Variants in MYH9 observed in about 807,000 individuals in gnomAD.
MYH9 encodes the protein myosin-9.
In MYH9, 29 loss-of-function variants were observed where a neutral mutation model predicts 241.9. That is an observed-to-expected ratio of 0.12 (90% CI 0.09 to 0.16). The LOEUF is 0.16. Ranked by LOEUF, MYH9 falls within the 10% of genes least tolerant of loss-of-function variation. The probability of loss-of-function intolerance (pLI) is 1.00; values close to 1 mark genes in which losing one functional copy is unlikely to be tolerated. For missense variants in MYH9, 1,803 were observed against 2,595.5 expected (o/e 0.69, Z 6.63); for synonymous variants, 1,047 against 1,062.6 (o/e 0.99, Z 0.29).
At position 36,306,622 on chromosome 22, in the gene MYH9, G is replaced by A. The variant is rs1413539906; in HGVS notation, c.1844-15C>T. ...GATGCGGTCCACTGTGGAGACCACAGAGAACACGTGAGTGCCCACACAGTT... is the reference window on the plus strand; with the variant it reads ...GATGCGGTCCACTGTGGAGACCACAAAGAACACGTGAGTGCCCACACAGTT... On this transcript the variant is annotated splice_polypyrimidine_tract_variant and intron_variant, in intron 15 of 40. Transcript: ENST00000216181. This position sits in a 1 kb window ranked among gnomAD's most constrained non-coding sequence, Gnocchi z 4.1. The A allele has an allele frequency of 6.2e-7, 1 of 1,608,390 alleles. No homozygotes were observed. The highest frequency in any genetic ancestry group is 1.1e-5 in the South Asian group (1 of 90,630).
At chr22:36,283,476 G>A (rs1474098854) in intron 40 of MYH9, among the ~76,000 whole-genome samples, 2 of 150,774 alleles carry the variant, frequency 1.3e-5, no homozygotes, top group African/African-American at 4.9e-5. Flanking sequence ...GGCAGAGGTT[G>A]CAGCAAGCCG....
intron 1 of MYH9, among the ~76,000 whole-genome samples, chr22:36,349,728 G>A (rs1448753640): frequency 6.6e-6 from 1 of 152,080 alleles, no homozygotes; most frequent in Non-Finnish European, 1.5e-5. Context: ...CAAGCTGATA[G>A]CAGGGATTTT....
rs533945157 is a variant in MYH9 at position 36,356,895 on chromosome 22, G to A, written c.-19-7640C>T. On this transcript the variant is annotated intron_variant, in intron 1 of 40. Coordinates refer to ENST00000216181, the MANE Select transcript of MYH9 (RefSeq NM_002473.6). ...CAACACCCAAACGCAGTAAGCACCC[G>A]CTAGACAGATCTGCCATGTGGATGA... 3.6e-4 allele frequency among the ~76,000 whole-genome samples: 55 copies of A among 152,350 alleles called. No individual in the cohort carries two copies. The South Asian group carries it at 9.9e-3, about 28-fold the overall frequency.
At position 36,289,221 on chromosome 22, in the gene MYH9, T is replaced by C. The variant is rs781672785; in HGVS notation, c.4421A>G (p.Lys1474Arg). The C allele has an allele frequency of 1.2e-6, 2 of 1,613,124 alleles. No homozygotes were observed. Among genetic ancestry groups the C allele is most frequent in the African/African-American group, 2.7e-5 (2 of 74,954 alleles). The change falls in exon 32 of 41, where the codon AAG (lysine) becomes AGG (arginine). Residue 1474 changes from lysine (K) to arginine (R), a missense_variant. By Grantham distance (26) the Lys-to-Arg change is conservative. This residue lies in a region of MYH9 where 876 missense variants were observed against 1,077.8 expected (regional missense o/e 0.81). Coordinates refer to ENST00000216181, the MANE Select transcript of MYH9 (RefSeq NM_002473.6). ...GGCCAGCGACAGAGCCTTGGTCTCC[T>C]TCTCTCGGGCCTCCGCCTCAGCCCG... is the stretch of plus-strand genomic sequence containing the variant. ...RDRAEAEAREKETKALSLARA... is the reference protein window; with the variant it reads ...RDRAEAEARERETKALSLARA...
chr22:36,377,429 T>A (rs1367221933), intron 1 of MYH9, among the ~76,000 whole-genome samples: 1 of 151,426 alleles, frequency 6.6e-6, no homozygotes, highest in Non-Finnish European at 1.5e-5. Flanking sequence ...AAAAAAAAAA[T>A]ACTTAAACCA....
chr22:36,295,744 A>ATAAG lies in MYH9; in HGVS notation c.3273-31_3273-28dup. 1.2e-6 allele frequency: 2 copies of ATAAG among 1,600,674 alleles called. No individual in the cohort carries two copies. Among genetic ancestry groups the ATAAG allele is most frequent in the African/African-American group, 2.7e-5 (2 of 74,866 alleles). On this transcript the variant is annotated intron_variant, in intron 25 of 40. Coordinates refer to ENST00000216181, the MANE Select transcript of MYH9 (RefSeq NM_002473.6). This position sits in a 1 kb window ranked among gnomAD's most constrained non-coding sequence, Gnocchi z 4.1. ...TGCCAAAGCGACCAGCAACATCAGT[A>ATAAG]TAAGGAGAGTTTCACCTCCAAGGAG...
intron 1 of MYH9, among the ~76,000 whole-genome samples, chr22:36,378,767 T>G (rs5756168): frequency 1.3e-5 from 2 of 151,868 alleles, no homozygotes; most frequent in East Asian, 3.9e-4. Flanking sequence ...GAATAGACTC[T>G]TAAGGAAAGA....
Position 36,304,129 on chromosome 22 carries a change from A to G in MYH9, c.2256T>C (p.Asn752=), listed in dbSNP as rs9619601. 85,233 of 1,613,526 alleles carry G rather than the reference A, an allele frequency of 0.053. 2,449 individuals are homozygous for G. Among genetic ancestry groups the G allele is most frequent in the East Asian group, 0.099 (4,426 of 44,868 alleles). The change falls in exon 19 of 41, where the codon AAT becomes AAC. Residue 752 remains asparagine (N), a synonymous_variant. Coordinates refer to ENST00000216181, the MANE Select transcript of MYH9 (RefSeq NM_002473.6). ...LMIKALELDS[N]LYRIGQSKVF... is the part of the protein sequence containing the mutation. Reference sequence around the variant, plus strand: ...CTTTGCTCTGGCCAATGCGGTACAGATTGCTGTCGAGCTCCAGGGCTTTTA... The same window carrying G: ...CTTTGCTCTGGCCAATGCGGTACAGGTTGCTGTCGAGCTCCAGGGCTTTTA...
At chr22:36,371,276 G>A (rs1421020032) in intron 1 of MYH9, among the ~76,000 whole-genome samples, 3 of 152,180 alleles carry the variant, frequency 2.0e-5, no homozygotes, top group African/African-American at 7.2e-5. Context: ...GAGGTCCTTC[G>A]GGTAGGCCCT....
intron 1 of MYH9, among the ~76,000 whole-genome samples, chr22:36,372,084 C>G (rs999561188): frequency 6.6e-6 from 1 of 152,032 alleles, no homozygotes; most frequent in African/African-American, 2.4e-5. Context: ...CCAGCAGCTG[C>G]TTCTGAAGTC....
chr22:36,300,418 G>A lies in MYH9; in HGVS notation c.2839-154C>T, dbSNP rs879015906. Among the ~76,000 whole-genome samples, 2 of 152,234 alleles carry A rather than the reference G, an allele frequency of 1.3e-5. No homozygotes were observed. The highest frequency in any genetic ancestry group is 4.1e-4 in the South Asian group (2 of 4,836). ...GGCTGAGGTGGGGACGGCAAGGTCC[G>A]CCAGCCCAGGGCCACAGCCGAGGCA... On this transcript the variant is annotated intron_variant, in intron 22 of 40. Transcript: ENST00000216181. This position sits in a 1 kb window ranked among gnomAD's most constrained non-coding sequence, Gnocchi z 5.0.
At position 36,341,353 on chromosome 22, in the gene MYH9, C is replaced by T. The variant is rs2017586360; in HGVS notation, c.490+17G>A. The T allele has an allele frequency of 1.2e-6, 2 of 1,613,004 alleles. No individual in the cohort carries two copies. The highest frequency in any genetic ancestry group is 1.3e-5 in the African/African-American group (1 of 74,890). Reference sequence around the variant, plus strand: ...GTGAAGATTCAGCCCCAGGTGGGCACACACTACGTCACCCACCTTGCATCA... The same window carrying T: ...GTGAAGATTCAGCCCCAGGTGGGCATACACTACGTCACCCACCTTGCATCA... On this transcript the variant is annotated intron_variant, in intron 3 of 40. Transcript: ENST00000216181.
intron 1 of MYH9, among the ~76,000 whole-genome samples, chr22:36,387,576 C>T (rs905187739): frequency 6.6e-6 from 1 of 151,768 alleles, no homozygotes; most frequent in Non-Finnish European, 1.5e-5. Context: ...CGCCCCTGCA[C>T]CCCTAGGCCT....
chr22:36,345,261 G>C (rs1032768500), intron 2 of MYH9, among the ~76,000 whole-genome samples: 1 of 146,546 alleles, frequency 6.8e-6, no homozygotes, highest in East Asian at 2.0e-4. Context: ...GCAGTGAGCC[G>C]AGATCATGCC....
rs1477869829 is a variant in MYH9, at chr22:36,330,332, T to C, written c.491-2844A>G. ...TTACCGCACTGCTTAGTATCCTAAA[T>C]CCACCGGCCGGATGCACCACGAATC... On this transcript the variant is annotated intron_variant, in intron 3 of 40. Transcript: ENST00000216181. This position sits in a 1 kb window ranked among gnomAD's most constrained non-coding sequence, Gnocchi z 4.5. 6.6e-6 allele frequency among the ~76,000 whole-genome samples: 1 copy of C among 152,182 alleles called. No individual in the cohort carries two copies. Among genetic ancestry groups the C allele is most frequent in the Non-Finnish European group, 1.5e-5 (1 of 68,034 alleles).
rs751002241 is a variant in MYH9 at position 36,286,816 on chromosome 22, C to T, written c.4963G>A (p.Asp1655Asn). 1.9e-6 allele frequency: 3 copies of T among 1,610,734 alleles called. No homozygotes were observed. Among genetic ancestry groups the T allele is most frequent in the Non-Finnish European group, 8.5e-7 (1 of 1,180,016 alleles). ...TCCTCACGAGAGGCGCGGGTGTCAT[C>T]CAGCTCGCGCATGCAGTCCTTCATC... ...AQMKDCMRELDDTRASREEIL... is the reference protein window; with the variant it reads ...AQMKDCMRELNDTRASREEIL... The change falls in exon 35 of 41, where the codon GAT becomes AAT. Residue 1655 changes from aspartate to asparagine, a missense_variant. Transcript: ENST00000216181.
At chr22:36,342,229 C>T (rs2017601640) in intron 2 of MYH9, among the ~76,000 whole-genome samples, 1 of 152,182 alleles carries the variant, frequency 6.6e-6, no homozygotes, top group Admixed American at 6.5e-5. Context: ...ACCCAATACT[C>T]CAAGTGTGAC....
chr22:36,371,571 T>C (rs1326188875), intron 1 of MYH9, among the ~76,000 whole-genome samples: 1 of 152,168 alleles, frequency 6.6e-6, no homozygotes, highest in East Asian at 1.9e-4. Context: ...GTTTCACTCT[T>C]GTTGCCCAGG....
At chr22:36,377,392 C>T (rs755280946) in intron 1 of MYH9, among the ~76,000 whole-genome samples, 31 of 152,196 alleles carry the variant, frequency 2.0e-4, no homozygotes, top group Non-Finnish European at 3.8e-4. Flanking sequence ...ATAAAGGTGC[C>T]TCTATCGCTT....
Sources: allele counts gnomAD v4.1 joint callset (sites outside exome capture counted in the v4.1 genomes callset), GRCh38; gene constraint gnomAD v4.1.1; regional missense constraint gnomAD v4.1.1; non-coding constraint Gnocchi (gnomAD v3.1); transcripts MANE v1.5; gene names NCBI Gene and HGNC (gene_info 2026-07-23, HGNC 2026-07-21).